The following SMIM23 variants were observed in gnomAD, a reference collection of about 807,000 sequenced individuals.
SMIM23 encodes CTB-78H18.1.
SMIM23 carries 10 observed loss-of-function variants against 12.8 expected under a neutral mutation model. The observed-to-expected ratio is 0.78, with a 90% CI of 0.48 to 1.32. The LOEUF (loss-of-function observed/expected upper bound fraction) is 1.32. SMIM23 is among the 40% of genes most tolerant of loss of function. The pLI, the probability that SMIM23 is intolerant of heterozygous loss-of-function variation, is 0.00. For synonymous variants in SMIM23, 78 were observed against 80.1 expected, an observed-to-expected ratio of 0.97 and a Z score of 0.14; for missense variants, 184 against 198.2, an observed-to-expected ratio of 0.93 and a Z score of 0.43.
At chr5:171,790,724 A>T in intron 3 of SMIM23, 71 bp from the exon 4 acceptor site, 1 of 1,509,850 alleles carries the variant, frequency 6.6e-7, no homozygotes, top group Non-Finnish European at 8.9e-7. Context: ...ATCTTTTTGA[A>T]ACCAGTGGGG....
At chr5:171,787,116 T>A (rs1755833967) in intron 1 of SMIM23, among the ~76,000 whole-genome samples, 2 of 146,940 alleles carry the variant, frequency 1.4e-5, no homozygotes, top group South Asian at 4.4e-4. Context: ...TCCTCCTGGG[T>A]TCAAGTGATT....
At chr5:171,777,974 A>G (rs148636536), upstream of SMIM23, among the ~76,000 whole-genome samples, 8 of 152,328 alleles carry the variant, frequency 5.3e-5, no homozygotes, top group African/African-American at 1.7e-4. Flanking sequence ...AGCCCCCAAG[A>G]GATACTCACA....
chr5:171,775,372 G>C, the SMIM23 span, among the ~76,000 whole-genome samples: 2 of 150,596 alleles, frequency 1.3e-5, no homozygotes, highest in African/African-American at 2.4e-5. Context: ...CTGCTGTCAC[G>C]TGTCTCCTGG....
chr5:171,786,087 C>T (rs1755811939), intron 1 of SMIM23, 111 bp downstream of exon 1: 1 of 852,390 alleles, frequency 1.2e-6, no homozygotes, highest in South Asian at 1.6e-5. Context: ...CCCAACCGTC[C>T]CTGGATCCCA....
At chr5:171,790,350 T>C in intron 2 of SMIM23, 69 bp downstream of exon 2, 1 of 1,524,272 alleles carries the variant, frequency 6.6e-7, no homozygotes, top group South Asian at 1.2e-5. Flanking sequence ...GTTCCAAAGA[T>C]GGTTGTATGT....
At chr5:171,775,587 G>A in the SMIM23 span, among the ~76,000 whole-genome samples, 2 of 152,250 alleles carry the variant, frequency 1.3e-5, no homozygotes, top group African/African-American at 4.8e-5. Flanking sequence ...GATCTCCAGG[G>A]GAGGCAGTAG....
upstream of SMIM23, among the ~76,000 whole-genome samples, chr5:171,784,459 C>A (rs1755779145): frequency 6.6e-6 from 1 of 151,670 alleles, no homozygotes; most frequent in Non-Finnish European, 1.5e-5. Context: ...GAGCCGAGAT[C>A]GTGCCACTGC....
At chr5:171,790,627 C>T in intron 3 of SMIM23, 78 bp downstream of exon 3, 1 of 1,430,450 alleles carries the variant, frequency 7.0e-7, no homozygotes, top group Non-Finnish European at 9.5e-7. Context: ...CAACATGGGT[C>T]ATGAAAGATA....
upstream of SMIM23, among the ~76,000 whole-genome samples, chr5:171,779,693 A>C (rs568934546): frequency 6.6e-6 from 1 of 152,306 alleles, no homozygotes; most frequent in Admixed American, 6.5e-5. Context: ...TTGCAATCTT[A>C]CATTACTGGG....
Position 171,790,469 on chromosome 5 carries a change from G to A in SMIM23, c.158-13G>A. On this transcript the variant is annotated splice_polypyrimidine_tract_variant and intron_variant, in intron 2 of 3. Transcript: ENST00000523047. Reference sequence around the variant, plus strand: ...CATTTGCTCTTCAGAGGTGATGTTTGTGCCTGTTTCAGGAAGCAGTTGGGA... The same window carrying A: ...CATTTGCTCTTCAGAGGTGATGTTTATGCCTGTTTCAGGAAGCAGTTGGGA... The A allele has an allele frequency of 1.3e-6, 2 of 1,536,544 alleles. No homozygotes were observed. The highest frequency in any genetic ancestry group is 1.7e-6 in the Non-Finnish European group (2 of 1,146,904).
intron 1 of SMIM23, among the ~76,000 whole-genome samples, chr5:171,786,197 C>T (rs1755814098): frequency 6.6e-6 from 1 of 152,150 alleles, no homozygotes; most frequent in African/African-American, 2.4e-5. Flanking sequence ...AAGGTATGTT[C>T]CAGGAGGACT....
At chr5:171,784,911 G>A (rs1466700584), upstream of SMIM23, among the ~76,000 whole-genome samples, 1 of 151,286 alleles carries the variant, frequency 6.6e-6, no homozygotes, top group Non-Finnish European at 1.5e-5. Flanking sequence ...ATTATACTAT[G>A]TTTTTTTTTA....
At chr5:171,774,547 T>C in the SMIM23 span, 2 of 456,158 alleles carry the variant, frequency 4.4e-6, no homozygotes, top group South Asian at 3.1e-5. Context: ...GGTTTGAAGT[T>C]CCTTGCGGGT....
At position 171,785,942 on chromosome 5, in the gene SMIM23, G is replaced by C. The variant is rs1419534204; in HGVS notation, c.71G>C (p.Arg24Pro). 3 of 1,536,208 alleles carry C rather than the reference G, an allele frequency of 2.0e-6. No homozygotes were observed. The highest frequency in any genetic ancestry group is 2.6e-6 in the Non-Finnish European group (3 of 1,146,912). ...AEQVAAQLLE[R>P]RRGSHCDDEK... ...CAGGTGGCAGCCCAGCTGCTTGAACGGAGAAGGGGCAGCCACTGTGATGAC... is the reference window on the plus strand; with the variant it reads ...CAGGTGGCAGCCCAGCTGCTTGAACCGAGAAGGGGCAGCCACTGTGATGAC... The change falls in exon 1 of 4, where the codon CGG (arginine) becomes CCG (proline). Residue 24 changes from arginine (R) to proline (P), a missense_variant. Arg to Pro is a moderately radical substitution (Grantham distance 103). Transcript: ENST00000523047.
the SMIM23 span, among the ~76,000 whole-genome samples, chr5:171,775,522 C>T: frequency 6.6e-6 from 1 of 152,132 alleles, no homozygotes; most frequent in East Asian, 1.9e-4. Flanking sequence ...GTGGACTTTG[C>T]CTGAGTCTGT....
At chr5:171,777,968 C>T (rs1222565309), upstream of SMIM23, among the ~76,000 whole-genome samples, 2 of 152,196 alleles carry the variant, frequency 1.3e-5, no homozygotes, top group Non-Finnish European at 2.9e-5. Context: ...GAGAAAAGCC[C>T]CCAAGAGATA....
chr5:171,773,571 A>G, the SMIM23 span: 1 of 338,608 alleles, frequency 3.0e-6, no homozygotes, highest in Non-Finnish European at 5.7e-6. Context: ...CACGGGGCAG[A>G]CTGAAAAATG....
upstream of SMIM23, among the ~76,000 whole-genome samples, chr5:171,777,930 G>A (rs1224170806): frequency 1.3e-5 from 2 of 152,178 alleles, no homozygotes; most frequent in Non-Finnish European, 2.9e-5. Context: ...AATCTGCAGG[G>A]AGCATCCCAA....
At chr5:171,782,083 C>T (rs1044688415), upstream of SMIM23, among the ~76,000 whole-genome samples, 1 of 152,184 alleles carries the variant, frequency 6.6e-6, no homozygotes, top group African/African-American at 2.4e-5. Flanking sequence ...TTTGTTGTTT[C>T]GCTCTTCACA....
Sources: allele counts gnomAD v4.1 joint callset (sites outside exome capture counted in the v4.1 genomes callset), GRCh38; gene constraint gnomAD v4.1.1; transcripts MANE v1.5; gene names NCBI Gene and HGNC (gene_info 2026-07-23, HGNC 2026-07-21).